EYS: variants seen among roughly 807,000 people sequenced by gnomAD.
The protein encoded by EYS is protein eyes shut homolog.
EYS carries 250 observed loss-of-function variants against 282.1 expected under a neutral mutation model. That is an observed-to-expected ratio of 0.89 (90% CI 0.80 to 0.98). The LOEUF (loss-of-function observed/expected upper bound fraction) is 0.98. Ranked by LOEUF, EYS falls within the 50% of genes least tolerant of loss-of-function variation. EYS has a pLI of 0.00. For missense variants in EYS, 4,016 were observed against 3,709.0 expected (o/e 1.08, Z -2.15); for synonymous variants, 1,355 against 1,282.9 (o/e 1.06, Z -1.20).
chr6:65,314,204 C>T (rs986822311), intron 11 of EYS, among the ~76,000 whole-genome samples: 3 of 151,628 alleles, frequency 2.0e-5, no homozygotes, highest in African/African-American at 2.4e-5. Context: ...GTTACCTTCT[C>T]AATGATCACC....
chr6:65,618,391 G>A (rs755698012), intron 2 of EYS, among the ~76,000 whole-genome samples: 4 of 152,204 alleles, frequency 2.6e-5, no homozygotes, highest in African/African-American at 4.8e-5. Flanking sequence ...CCCACTTTTC[G>A]ATGGGGCTGT....
chr6:64,744,944 A>C (rs2149964193), intron 22 of EYS, among the ~76,000 whole-genome samples: 1 of 152,084 alleles, frequency 6.6e-6, no homozygotes, highest in East Asian at 1.9e-4. Flanking sequence ...GTTATTAAAA[A>C]CTCTGGAACA....
At chr6:63,877,282 A>T (rs548045396) in intron 35 of EYS, among the ~76,000 whole-genome samples, 1 of 152,308 alleles carries the variant, frequency 6.6e-6, no homozygotes, top group East Asian at 1.9e-4. Context: ...TTCCTTAAGA[A>T]TGTTGAATAT....
chr6:64,196,505 C>A (rs1245565450), intron 31 of EYS, among the ~76,000 whole-genome samples: 2 of 151,984 alleles, frequency 1.3e-5, no homozygotes, highest in South Asian at 2.1e-4. Flanking sequence ...AAATGTCCAA[C>A]AATGATAGAC....
At chr6:63,992,580 T>G (rs1033239278) in intron 34 of EYS, among the ~76,000 whole-genome samples, 1 of 151,732 alleles carries the variant, frequency 6.6e-6, no homozygotes, top group Non-Finnish European at 1.5e-5. Flanking sequence ...GTAAATGTAC[T>G]GCTATAGCTA....
chr6:63,952,008 T>G (rs62413038), intron 35 of EYS, among the ~76,000 whole-genome samples: 73,600 of 151,996 alleles, frequency 0.48, 19,051 homozygotes, highest in African/African-American at 0.69. Context: ...CCCACAAAAG[T>G]ACTCAACTAA....
chr6:64,344,284 T>C (rs1038789101), intron 29 of EYS, among the ~76,000 whole-genome samples: 2 of 152,078 alleles, frequency 1.3e-5, no homozygotes, highest in Admixed American at 1.3e-4. Flanking sequence ...ATATCCTTGA[T>C]GAACATTGAT....
At chr6:64,803,356 G>A (rs1345953256) in intron 22 of EYS, among the ~76,000 whole-genome samples, 1 of 151,400 alleles carries the variant, frequency 6.6e-6, no homozygotes, top group East Asian at 2.0e-4. Context: ...GTCTGGCTGA[G>A]TAGGGGGACT....
intron 2 of EYS, among the ~76,000 whole-genome samples, chr6:65,564,453 C>T (rs976164928): frequency 6.6e-6 from 1 of 152,040 alleles, no homozygotes; most frequent in Non-Finnish European, 1.5e-5. Flanking sequence ...AGAACAGAGG[C>T]CTCAGAAGTA....
At chr6:64,178,272 AAT>A (rs1764692431) in intron 31 of EYS, among the ~76,000 whole-genome samples, 1 of 152,240 alleles carries the variant, frequency 6.6e-6, no homozygotes, top group East Asian at 1.9e-4. Flanking sequence ...AGGGATCTTC[AAT>A]AAAAAGGCAT....
chr6:65,403,382 C>T (rs1000984095), intron 6 of EYS, among the ~76,000 whole-genome samples: 3 of 151,886 alleles, frequency 2.0e-5, no homozygotes, highest in African/African-American at 4.8e-5. Flanking sequence ...TTATTTTTTC[C>T]TCTCTTTTTT....
intron 5 of EYS, among the ~76,000 whole-genome samples, chr6:65,420,007 T>C (rs1181054502): frequency 6.6e-6 from 1 of 152,034 alleles, no homozygotes; most frequent in Non-Finnish European, 1.5e-5. Flanking sequence ...CAATCATCCA[T>C]GCTTTCAGCA....
intron 35 of EYS, among the ~76,000 whole-genome samples, chr6:63,868,481 C>G (rs1356725221): frequency 6.6e-6 from 1 of 152,168 alleles, no homozygotes; most frequent in Non-Finnish European, 1.5e-5. Flanking sequence ...CTCTTTGTAT[C>G]TAACAGATCA....
At chr6:64,107,291 A>ATATATATATATATATATATT (rs1773059089) in intron 31 of EYS, among the ~76,000 whole-genome samples, 3 of 110,660 alleles carry the variant, frequency 2.7e-5, no homozygotes, top group African/African-American at 4.4e-5. Context: ...ATATTTATAT[A>ATATATATATATATATATATT]TATATATATA....
At chr6:65,285,363 T>C (rs1015581360) in intron 12 of EYS, among the ~76,000 whole-genome samples, 5 of 151,666 alleles carry the variant, frequency 3.3e-5, no homozygotes, top group African/African-American at 1.2e-4. Flanking sequence ...CACCTTTACA[T>C]TGTAGCAAAA....
chr6:63,986,138 A>G (rs1002429232), intron 34 of EYS, among the ~76,000 whole-genome samples: 1 of 151,982 alleles, frequency 6.6e-6, no homozygotes, highest in African/African-American at 2.4e-5. Flanking sequence ...TTTCAAAAGA[A>G]GATATACATG....
intron 2 of EYS, among the ~76,000 whole-genome samples, chr6:65,566,543 T>A (rs1769287170): frequency 6.6e-6 from 1 of 152,176 alleles, no homozygotes; most frequent in Non-Finnish European, 1.5e-5. Flanking sequence ...AATCTACTTT[T>A]GTGTGTTGGC....
chr6:64,883,671 A>G (rs952673511), intron 19 of EYS, among the ~76,000 whole-genome samples: 2 of 151,564 alleles, frequency 1.3e-5, no homozygotes, highest in South Asian at 4.1e-4. Context: ...TTAAAACTCA[A>G]ATTCGTAAGC....
chr6:65,631,203 GA>G (rs1450642055), intron 2 of EYS, among the ~76,000 whole-genome samples: 2 of 152,110 alleles, frequency 1.3e-5, no homozygotes, highest in African/African-American at 4.8e-5. Flanking sequence ...TTGTGCTGTT[GA>G]AAAATATCCT....
Sources: allele counts gnomAD v4.1 joint callset (sites outside exome capture counted in the v4.1 genomes callset), GRCh38; gene constraint gnomAD v4.1.1; transcripts MANE v1.5; gene names NCBI Gene and HGNC (gene_info 2026-07-23, HGNC 2026-07-21).